Variants in SDK1 observed in about 807,000 individuals in gnomAD.
The protein encoded by SDK1 is protein sidekick-1.
In SDK1, 157 loss-of-function variants were observed where a neutral mutation model predicts 245.5. The observed-to-expected ratio is 0.64, with a 90% CI of 0.56 to 0.73. The LOEUF (loss-of-function observed/expected upper bound fraction) is 0.73. Among genes scored for constraint, SDK1 ranks in the 30% least tolerant of loss-of-function variants. The pLI, the probability that SDK1 is intolerant of heterozygous loss-of-function variation, is 0.00. For missense variants in SDK1, 3,583 were observed against 3,002.3 expected (o/e 1.19, Z -4.52); for synonymous variants, 1,647 against 1,278.5 (o/e 1.29, Z -6.15).
intron 44 of SDK1, among the ~76,000 whole-genome samples, chr7:4,247,802 C>T (rs556281223): frequency 1.3e-5 from 2 of 152,272 alleles, no homozygotes; most frequent in Non-Finnish European, 2.9e-5. Context: ...TGGTCAGAGG[C>T]TGAGGTTGTC....
chr7:3,668,119 A>G (rs945085542), intron 4 of SDK1, among the ~76,000 whole-genome samples: 4 of 152,200 alleles, frequency 2.6e-5, no homozygotes, highest in African/African-American at 7.2e-5. Flanking sequence ...GCAGTTTTAG[A>G]CATGCAAGCC....
chr7:3,338,560 C>G, intron 1 of SDK1: 1 of 324,642 alleles, frequency 3.1e-6, no homozygotes, highest in Middle Eastern at 9.7e-4. Flanking sequence ...TGGAGAGGAA[C>G]CTGAGCTGCT....
chr7:4,004,608 A>G (rs1469561870), intron 14 of SDK1, among the ~76,000 whole-genome samples: 1 of 152,192 alleles, frequency 6.6e-6, no homozygotes, highest in East Asian at 1.9e-4. Flanking sequence ...ACACACAAAA[A>G]TATAGCTCCA....
intron 42 of SDK1, among the ~76,000 whole-genome samples, chr7:4,239,834 A>T (rs1044258782): frequency 2.0e-5 from 3 of 152,206 alleles, no homozygotes; most frequent in Admixed American, 2.0e-4. Context: ...TTGGAAAGGC[A>T]GATCCCTGAT....
intron 8 of SDK1, 113 bp downstream of exon 8, chr7:3,959,127 G>A (rs1583638640): frequency 1.2e-6 from 1 of 844,838 alleles, no homozygotes; most frequent in East Asian, 2.4e-5. Context: ...TGATGGCGAA[G>A]AGCAGACTTC....
At chr7:3,905,229 A>T (rs1319190711) in intron 5 of SDK1, among the ~76,000 whole-genome samples, 1 of 151,552 alleles carries the variant, frequency 6.6e-6, no homozygotes, top group Non-Finnish European at 1.5e-5. Flanking sequence ...ACCACGGTTT[A>T]TTCTGTCAGT....
chr7:4,224,603 C>T (rs1321088849), intron 40 of SDK1, among the ~76,000 whole-genome samples: 2 of 152,152 alleles, frequency 1.3e-5, no homozygotes, highest in Admixed American at 6.5e-5. Context: ...ACAATATCAC[C>T]AGTAGAATTG....
rs763638773 is a variant in SDK1 at position 3,599,115 on chromosome 7, T to A, written c.299-19965T>A. Among the ~76,000 whole-genome samples, 190 of 96,860 alleles carry A rather than the reference T, an allele frequency of 2.0e-3. 3 individuals carry two copies. The Middle Eastern group carries it at 0.038, about 19-fold the overall frequency. The allele number at this position is 96,860 out of a possible 152,430, so 63.5% of individuals were successfully genotyped here. A position where few individuals can be genotyped will look rare whatever the true frequency, so the allele number is the denominator to read the frequency against. ...CTTTTTTTTTTTTTTTTTTTTTTTT[T>A]ACATCCTCACCGGCATCTGGCGTTC... On this transcript the variant is annotated intron_variant, in intron 1 of 44. Transcript: ENST00000404826.
At chr7:4,238,112 C>T (rs556140691) in intron 42 of SDK1, among the ~76,000 whole-genome samples, 1 of 151,602 alleles carries the variant, frequency 6.6e-6, no homozygotes, top group Non-Finnish European at 1.5e-5. Context: ...TACAGTCTCA[C>T]TCTGTCACCC....
chr7:3,701,941 A>G (rs952270102), intron 4 of SDK1, among the ~76,000 whole-genome samples: 3 of 150,394 alleles, frequency 2.0e-5, no homozygotes, highest in South Asian at 2.2e-4. Context: ...AAAAAAAAAA[A>G]AAAAGAAAAA....
At chr7:3,412,025 G>C (rs1037611375) in intron 1 of SDK1, among the ~76,000 whole-genome samples, 2 of 152,176 alleles carry the variant, frequency 1.3e-5, no homozygotes. Context: ...AATTTCATTA[G>C]AAGAAAGGGA....
chr7:4,253,224 G>C lies in SDK1; in HGVS notation c.6381+7419G>C, dbSNP rs114751130. On this transcript the variant is annotated intron_variant, in intron 44 of 44. Coordinates refer to ENST00000404826, the MANE Select transcript of SDK1 (RefSeq NM_152744.4). ...ATTTCCTAAGTTGGAAGTTTATGTT[G>C]TTGATTTGAGATCTTTCTTTTTTTG... Among the ~76,000 whole-genome samples, 380 of 152,090 alleles carry C rather than the reference G, an allele frequency of 2.5e-3. 1 individual carries two copies. The highest frequency in any genetic ancestry group is 8.8e-3 in the African/African-American group (367 of 41,512).
intron 4 of SDK1, among the ~76,000 whole-genome samples, chr7:3,703,145 C>T (rs1784785887): frequency 6.6e-6 from 1 of 151,280 alleles, no homozygotes; most frequent in Non-Finnish European, 1.5e-5. Context: ...AAACCTGTGT[C>T]TACACAAAAT....
At chr7:3,660,752 C>G (rs201011937) in intron 4 of SDK1, among the ~76,000 whole-genome samples, 1 of 152,236 alleles carries the variant, frequency 6.6e-6, no homozygotes, top group Admixed American at 6.5e-5. Context: ...TCTTTGTCAT[C>G]GCTGACGGAA....
intron 27 of SDK1, among the ~76,000 whole-genome samples, chr7:4,130,959 C>A (rs1000230011): frequency 9.9e-5 from 15 of 152,112 alleles, no homozygotes; most frequent in Non-Finnish European, 2.2e-4. Flanking sequence ...AGCACTCTCT[C>A]CACGTTGCTG....
intron 1 of SDK1, among the ~76,000 whole-genome samples, chr7:3,423,351 G>C (rs778550024): frequency 1.3e-5 from 2 of 152,184 alleles, no homozygotes; most frequent in Non-Finnish European, 2.9e-5. Flanking sequence ...TATGATTCCT[G>C]TCAAAAGAAC....
chr7:3,604,527 T>C (rs990766109), intron 1 of SDK1, among the ~76,000 whole-genome samples: 1 of 152,032 alleles, frequency 6.6e-6, no homozygotes, highest in South Asian at 2.1e-4. Context: ...ATGCTGTATT[T>C]TCATTGTTTT....
chr7:3,523,213 G>A (rs544121068), intron 1 of SDK1, among the ~76,000 whole-genome samples: 161 of 152,280 alleles, frequency 1.1e-3, no homozygotes, highest in African/African-American at 3.8e-3. Flanking sequence ...TAATGTTAAA[G>A]AGCCACTGCA....
chr7:4,113,188 T>C (rs957784233), intron 23 of SDK1, 101 bp from the exon 24 acceptor site: 2 of 1,269,712 alleles, frequency 1.6e-6, no homozygotes, highest in African/African-American at 3.0e-5. Flanking sequence ...TAGACACCTA[T>C]CTGAGCCCTC....
Sources: gnomAD v4.1 joint callset for allele counts (sites outside exome capture counted in the v4.1 genomes callset) on GRCh38, gnomAD v4.1.1 for gene constraint, MANE v1.5 for transcripts, NCBI Gene and HGNC (gene_info 2026-07-23, HGNC 2026-07-21) for gene names.